The following ITGA9 variants were observed in gnomAD, a reference collection of about 807,000 sequenced individuals.
ITGA9 encodes integrin alpha-9.
A neutral mutation model predicts 127.8 loss-of-function variants in ITGA9; 56 were observed. The ratio of observed to expected loss-of-function variants is 0.44; its 90% CI spans 0.35 to 0.55. The LOEUF is 0.55. ITGA9 is among the 20% of genes least tolerant of loss of function. The probability of loss-of-function intolerance (pLI) is 0.00; values close to 1 mark genes in which losing one functional copy is unlikely to be tolerated. For missense variants in ITGA9, 1,196 were observed against 1,347.1 expected (o/e 0.89, Z 1.76); for synonymous variants, 508 against 514.5 (o/e 0.99, Z 0.17).
At chr3:37,600,097 T>G (rs1403569157) in intron 15 of ITGA9, among the ~76,000 whole-genome samples, 1 of 152,180 alleles carries the variant, frequency 6.6e-6, no homozygotes, top group African/African-American at 2.4e-5. Flanking sequence ...AGATGGGCAT[T>G]TCATCCTTTC....
At chr3:37,658,220 C>G (rs1219237802) in intron 17 of ITGA9, among the ~76,000 whole-genome samples, 1 of 152,176 alleles carries the variant, frequency 6.6e-6, no homozygotes, top group African/African-American at 2.4e-5. Flanking sequence ...TGGTCCAGAA[C>G]TGAGTTCAAG....
chr3:37,455,714 T>C (rs1211143630), intron 1 of ITGA9, among the ~76,000 whole-genome samples: 1 of 152,238 alleles, frequency 6.6e-6, no homozygotes, highest in East Asian at 1.9e-4. Flanking sequence ...CAGTCTAAGA[T>C]ATTTGCTTCA....
chr3:37,803,524 C>A (rs187370714), intron 26 of ITGA9, among the ~76,000 whole-genome samples: 7 of 152,322 alleles, frequency 4.6e-5, no homozygotes, highest in African/African-American at 1.7e-4. Flanking sequence ...GTGGCTCGTG[C>A]CTGTAATCCC....
chr3:37,629,502 A>G lies in ITGA9; in HGVS notation c.1839+166A>G. ...TTTCTGATCTGCAAAATGATAAAATAAACAGTCTTAGGGGTTACTTGTGAC... is the reference window on the plus strand; with the variant it reads ...TTTCTGATCTGCAAAATGATAAAATGAACAGTCTTAGGGGTTACTTGTGAC... On this transcript the variant is annotated intron_variant, in intron 16 of 27. Transcript: ENST00000264741. The surrounding 1 kb of genome is among the most constrained non-coding windows in gnomAD (Gnocchi z 4.5). 1.4e-6 allele frequency: 1 copy of G among 715,918 alleles called. No homozygotes were observed. The highest frequency in any genetic ancestry group is 2.4e-6 in the Non-Finnish European group (1 of 411,382). 44.3% of individuals were successfully genotyped at this position (715,918 alleles called of 1,614,324 possible).
In ITGA9 at chr3:37,670,797, A is replaced by G. The variant is rs917216196; in HGVS notation, c.1917-13068A>G. ...TCCCAGGAGAAAAGATTCAAAATCT[A>G]GGAGATTCATAATTTCAATATATTC... On this transcript the variant is annotated intron_variant, in intron 17 of 27. Coordinates refer to ENST00000264741, the MANE Select transcript of ITGA9 (RefSeq NM_002207.3). Among the ~76,000 whole-genome samples, 3 of 152,214 alleles carry G rather than the reference A, an allele frequency of 2.0e-5. No homozygotes were observed. The East Asian group carries it at 5.8e-4, about 29-fold the overall frequency.
intron 1 of ITGA9, among the ~76,000 whole-genome samples, chr3:37,455,655 GTC>G (rs1214462658): frequency 6.6e-6 from 1 of 152,170 alleles, no homozygotes; most frequent in Non-Finnish European, 1.5e-5. Context: ...TGTATCTTAC[GTC>G]TCTCTTCTCG....
rs568770499 is a variant in ITGA9, at chr3:37,545,664, G to A, written c.1689+3079G>A. On this transcript the variant is annotated intron_variant, in intron 15 of 27. Transcript: ENST00000264741. ...CTCTGCCTCAGAGTTCACACACCCC[G>A]GCTTATCTTCCCTCTTCCCCGAGAC... is the stretch of plus-strand genomic sequence containing the variant. Among the ~76,000 whole-genome samples, 4 of 152,244 alleles carry A rather than the reference G, an allele frequency of 2.6e-5. No homozygotes were observed. In the South Asian group the frequency reaches 6.2e-4, roughly 24 times the overall value.
At chr3:37,574,407 G>T (rs1482189467) in intron 15 of ITGA9, among the ~76,000 whole-genome samples, 1 of 152,180 alleles carries the variant, frequency 6.6e-6, no homozygotes, top group African/African-American at 2.4e-5. Flanking sequence ...ATCAAGTGTG[G>T]TGTAATAAAA....
At chr3:37,775,304 C>A (rs1696892865) in intron 23 of ITGA9, among the ~76,000 whole-genome samples, 1 of 152,104 alleles carries the variant, frequency 6.6e-6, no homozygotes, top group Admixed American at 6.5e-5. Context: ...CAAATCAAAA[C>A]CACGGTGAGA....
intron 18 of ITGA9, among the ~76,000 whole-genome samples, chr3:37,704,210 T>G (rs1700979003): frequency 6.6e-6 from 1 of 152,098 alleles, no homozygotes. Flanking sequence ...CATTGATGAA[T>G]TTTCTGAGAC....
intron 18 of ITGA9, among the ~76,000 whole-genome samples, chr3:37,712,032 G>A (rs909520432): frequency 3.9e-5 from 6 of 152,094 alleles, no homozygotes; most frequent in African/African-American, 1.4e-4. Context: ...CACTCCTCAC[G>A]GACAAGTTCA....
At chr3:37,584,740 G>A (rs576519253) in intron 15 of ITGA9, among the ~76,000 whole-genome samples, 57 of 152,184 alleles carry the variant, frequency 3.7e-4, no homozygotes, top group African/African-American at 1.4e-3. Context: ...GGGCAACAGA[G>A]TGAGACTCCA....
intron 12 of ITGA9, among the ~76,000 whole-genome samples, chr3:37,525,573 T>C (rs924833461): frequency 1.3e-5 from 2 of 152,214 alleles, no homozygotes; most frequent in African/African-American, 2.4e-5. Context: ...AATTCACTGA[T>C]GTGAAAAGAA....
At chr3:37,679,485 T>C (rs1700713980) in intron 17 of ITGA9, among the ~76,000 whole-genome samples, 1 of 151,618 alleles carries the variant, frequency 6.6e-6, no homozygotes, top group Admixed American at 6.6e-5. Context: ...GGTGTGCTGC[T>C]AGTTGCAACT....
At chr3:37,786,101 T>C (rs1697038623) in intron 26 of ITGA9, among the ~76,000 whole-genome samples, 1 of 152,206 alleles carries the variant, frequency 6.6e-6, no homozygotes, top group Non-Finnish European at 1.5e-5. Flanking sequence ...CAGCAGCCGA[T>C]GCACTTCTTT....
chr3:37,523,461 A>G, intron 11 of ITGA9, 60 bp from the exon 12 acceptor site: 1 of 1,276,748 alleles, frequency 7.8e-7, no homozygotes, highest in East Asian at 2.3e-5. Context: ...AAGCAGTCAC[A>G]GTTCTTATTT....
intron 17 of ITGA9, among the ~76,000 whole-genome samples, chr3:37,678,938 T>C (rs1046222628): frequency 4.6e-5 from 7 of 152,154 alleles, no homozygotes; most frequent in Non-Finnish European, 8.8e-5. Context: ...TTCCATTGAG[T>C]ATAGTGAATG....
intron 20 of ITGA9, 119 bp from the exon 21 acceptor site, chr3:37,741,611 A>G (rs1041721534): frequency 1.5e-5 from 12 of 774,840 alleles, no homozygotes; most frequent in Non-Finnish European, 2.7e-5. Context: ...ACTGAAGGCA[A>G]TGAGGTGCCA....
intron 15 of ITGA9, among the ~76,000 whole-genome samples, chr3:37,607,730 G>A (rs577149774): frequency 6.6e-6 from 1 of 152,186 alleles, no homozygotes; most frequent in Non-Finnish European, 1.5e-5. Context: ...GGGTTAAAAT[G>A]TCTGGTGCCA....
Sources: gnomAD v4.1 joint callset for allele counts (sites outside exome capture counted in the v4.1 genomes callset) on GRCh38, gnomAD v4.1.1 for gene constraint, Gnocchi (gnomAD v3.1) non-coding constraint, MANE v1.5 for transcripts, NCBI Gene and HGNC (gene_info 2026-07-23, HGNC 2026-07-21) for gene names.